The following NECAB2 variants were observed in gnomAD, a reference collection of about 807,000 sequenced individuals.
The protein encoded by NECAB2 is N-terminal EF-hand calcium-binding protein 2.
Under a neutral mutation model 51.9 loss-of-function variants are expected in NECAB2, and 68 were observed. The ratio of observed to expected loss-of-function variants is 1.31; its 90% CI spans 1.08 to 1.60. NECAB2 has a LOEUF of 1.60. NECAB2 is among the 40% of genes most tolerant of loss of function. NECAB2 has a pLI of 0.00. For missense variants in NECAB2, 854 were observed against 490.3 expected (o/e 1.74, Z -7.00); for synonymous variants, 329 against 203.5 (o/e 1.62, Z -5.25).
intron 8 of NECAB2, 95 bp downstream of exon 8, chr16:83,994,783 A>T (rs1310194870): frequency 1.4e-6 from 2 of 1,380,546 alleles, no homozygotes; most frequent in Non-Finnish European, 2.0e-6. Context: ...TGGGCTGCAG[A>T]GGGGCCAGGG....
Position 83,998,225 on chromosome 16 carries a change from G to A in NECAB2, c.870G>A (p.Gln290=), listed in dbSNP as rs369081156. Residue 290 remains glutamine (Q), a synonymous_variant, in exon 10 of 13, where the codon CAG becomes CAA. Transcript: ENST00000305202. ...GTNMHLQLVR[Q]EMAVCPEQLS... is the part of the protein sequence containing the mutation. Reference sequence around the variant, plus strand: ...GGCAGCACCTGCAGCTGGTCCGGCAGGAGATGGCCGTGTGCCCCGAGCAAC... The same window carrying A: ...GGCAGCACCTGCAGCTGGTCCGGCAAGAGATGGCCGTGTGCCCCGAGCAAC... The A allele has an allele frequency of 6.2e-7, 1 of 1,611,116 alleles. No individual in the cohort carries two copies. Among genetic ancestry groups the A allele is most frequent in the Non-Finnish European group, 8.5e-7 (1 of 1,180,020 alleles).
intron 7 of NECAB2, 62 bp from the exon 8 acceptor site, chr16:83,994,547 T>A: frequency 6.2e-7 from 1 of 1,606,362 alleles, no homozygotes; most frequent in Admixed American, 1.7e-5. Context: ...TGTTTCCAGC[T>A]TCCCCCCGAA....
rs148314657 is a variant in NECAB2 at position 83,992,604 on chromosome 16, G to A, written c.597-1698G>A. The stretch of plus-strand genomic sequence containing the variant: ...TTTGCTGGGGGACTGGGGTTTGATC[G>A]TGTGTTTCTTCGTAGTTGAAGAGCT... On this transcript the variant is annotated intron_variant, in intron 6 of 12. Coordinates refer to ENST00000305202, the MANE Select transcript of NECAB2 (RefSeq NM_019065.3). Among the ~76,000 whole-genome samples the A allele has an allele frequency of 2.8e-3, 420 of 152,288 alleles. 4 individuals are homozygous for A. The highest frequency in any genetic ancestry group is 9.3e-3 in the African/African-American group (388 of 41,542).
At chr16:84,000,016 C>T (rs141752581) in intron 10 of NECAB2, among the ~76,000 whole-genome samples, 52 of 151,448 alleles carry the variant, frequency 3.4e-4, no homozygotes, top group African/African-American at 9.4e-4. Flanking sequence ...TGTCCTGCAT[C>T]GCTGGGATTA....
At chr16:83,992,680 A>G (rs1211387242) in intron 6 of NECAB2, among the ~76,000 whole-genome samples, 1 of 152,090 alleles carries the variant, frequency 6.6e-6, no homozygotes, top group Non-Finnish European at 1.5e-5. Flanking sequence ...CTGTTTCCCA[A>G]ATGAGTTTGA....
At position 84,002,208 on chromosome 16, in the gene NECAB2, AC is replaced by A. The variant is rs2084850517; in HGVS notation, c.1133-109del. On this transcript the variant is annotated intron_variant, in intron 12 of 12. Transcript: ENST00000305202. ...GGTGACCAGCAAGGACCTGTGTGTC[AC>A]ACAAGGACTCAAAGCCATCCCCCGA... 2.2e-6 allele frequency: 3 copies of A among 1,366,456 alleles called. No individual in the cohort carries two copies. In the African/African-American group the frequency reaches 4.4e-5, roughly 20 times the overall value. 84.6% of individuals were successfully genotyped at this position (1,366,456 alleles called of 1,614,324 possible). A position where few individuals can be genotyped will look rare whatever the true frequency, so the allele number is the denominator to read the frequency against.
At chr16:83,974,367 G>C (rs376854100) in intron 2 of NECAB2, among the ~76,000 whole-genome samples, 1 of 152,178 alleles carries the variant, frequency 6.6e-6, no homozygotes, top group Admixed American at 6.5e-5. Context: ...AGGATAGATA[G>C]TTGCTCTCCT....
At chr16:83,999,706 C>T (rs1461953970) in intron 10 of NECAB2, among the ~76,000 whole-genome samples, 1 of 151,994 alleles carries the variant, frequency 6.6e-6, no homozygotes, top group Non-Finnish European at 1.5e-5. Flanking sequence ...GCCCCTGGGT[C>T]CCATAGAGCA....
chr16:83,987,780 C>G (rs910262377), intron 5 of NECAB2, among the ~76,000 whole-genome samples: 2 of 152,038 alleles, frequency 1.3e-5, no homozygotes, highest in African/African-American at 2.4e-5. Flanking sequence ...ATATTTTGCA[C>G]TATTTCTTGA....
chr16:84,002,034 T>TCCTGCCACCAATGCCAGGCTCAGAG (rs1254235096), intron 12 of NECAB2, 118 bp downstream of exon 12: 2 of 1,212,364 alleles, frequency 1.6e-6, no homozygotes, highest in African/African-American at 3.1e-5. Context: ...CACTGTCAGC[T>TCCTGCCACCAATGCCAGGCTCAGAG]CCTGCCACCA....
intron 11 of NECAB2, 54 bp from the exon 12 acceptor site, chr16:84,001,771 C>G (rs546167010): frequency 1.9e-6 from 3 of 1,583,906 alleles, no homozygotes; most frequent in Non-Finnish European, 2.6e-6. Flanking sequence ...AGGGGAGCCA[C>G]ACGCGGAGCT....
At chr16:83,972,411 A>C (rs1159386548) in intron 2 of NECAB2, among the ~76,000 whole-genome samples, 1 of 152,214 alleles carries the variant, frequency 6.6e-6, no homozygotes, top group African/African-American at 2.4e-5. Flanking sequence ...GGGCTCAGTG[A>C]GTCTTGTCTG....
At chr16:83,968,941 G>A (rs1313245741) in intron 1 of NECAB2, 92 bp downstream of exon 1, 53 of 831,976 alleles carry the variant, frequency 6.4e-5, no homozygotes, top group Non-Finnish European at 7.8e-5. Context: ...GCCGCGACCC[G>A]CGAGGCCCTC....
In NECAB2 at chr16:84,002,640, G is replaced by T; in HGVS notation, c.*294G>T. 2 of 527,592 alleles carry T rather than the reference G, an allele frequency of 3.8e-6. No homozygotes were observed. Among genetic ancestry groups the T allele is most frequent in the African/African-American group, 1.9e-5 (1 of 51,832 alleles). 32.7% of individuals were successfully genotyped at this position (527,592 alleles called of 1,614,324 possible). A position where few individuals can be genotyped will look rare whatever the true frequency, so the allele number is the denominator to read the frequency against. On this transcript the variant is annotated 3_prime_UTR_variant, in exon 13 of 13. Coordinates refer to ENST00000305202, the MANE Select transcript of NECAB2 (RefSeq NM_019065.3). ...TCTCCCCTACCCCTCACATGGCCACGCATGACCCACACTGACCACACCCTG... is the reference window on the plus strand; with the variant it reads ...TCTCCCCTACCCCTCACATGGCCACTCATGACCCACACTGACCACACCCTG...
At chr16:83,977,672 C>T (rs2084430651) in intron 2 of NECAB2, among the ~76,000 whole-genome samples, 2 of 152,278 alleles carry the variant, frequency 1.3e-5, no homozygotes, top group South Asian at 2.1e-4. Context: ...AGGCCTGGCA[C>T]CTCCTTCCTG....
chr16:83,979,383 G>T lies in NECAB2; in HGVS notation c.335+831G>T, dbSNP rs143942802. Among the ~76,000 whole-genome samples, 633 of 152,348 alleles carry T rather than the reference G, an allele frequency of 4.2e-3. 3 individuals are homozygous for T. The highest frequency in any genetic ancestry group is 0.014 in the African/African-American group (583 of 41,574). On this transcript the variant is annotated intron_variant, in intron 3 of 12. Coordinates refer to ENST00000305202, the MANE Select transcript of NECAB2 (RefSeq NM_019065.3). ...TGGACAAGGAGCTACCACCAAACCA[G>T]TGTGCAAGGGGTAGAGTACAGTGGT...
chr16:83,994,453 C>T (rs2084668829), intron 7 of NECAB2, 33 bp downstream of exon 7: 1 of 1,609,124 alleles, frequency 6.2e-7, no homozygotes, highest in African/African-American at 1.3e-5. Context: ...GTGGGGGTAC[C>T]AGCTGGGGGT....
intron 6 of NECAB2, among the ~76,000 whole-genome samples, chr16:83,991,218 C>G (rs181595531): frequency 6.6e-6 from 1 of 151,610 alleles, no homozygotes; most frequent in African/African-American, 2.4e-5. Flanking sequence ...CCTGGCCTCA[C>G]GTGATCCACC....
rs757750776 is a variant in NECAB2 at position 83,990,552 on chromosome 16, C to A, written c.518C>A (p.Thr173Lys). The part of the protein sequence containing the change: ...QFVTRFLLKE[T>K]ANQIQSLLSS... ...GTGACCCGCTTCCTCCTGAAGGAGACGGCCAATCAGATCCAGTCGCTGCTG... is the reference window on the plus strand; with the variant it reads ...GTGACCCGCTTCCTCCTGAAGGAGAAGGCCAATCAGATCCAGTCGCTGCTG... Residue 173 changes from threonine (T) to lysine (K), a missense_variant, in exon 6 of 13, where the codon ACG (threonine) becomes AAG (lysine). Transcript: ENST00000305202. The A allele has an allele frequency of 1.9e-6, 3 of 1,614,140 alleles. No homozygotes were observed. The highest frequency in any genetic ancestry group is 2.5e-6 in the Non-Finnish European group (3 of 1,180,032).
Sources: gnomAD v4.1 joint callset for allele counts (sites outside exome capture counted in the v4.1 genomes callset) on GRCh38, gnomAD v4.1.1 for gene constraint, MANE v1.5 for transcripts, NCBI Gene and HGNC (gene_info 2026-07-23, HGNC 2026-07-21) for gene names.